HNRNPR: variants seen among roughly 807,000 people sequenced by gnomAD.
HNRNPR encodes heterogeneous nuclear ribonucleoprotein R.
HNRNPR carries 4 observed loss-of-function variants against 70.3 expected under a neutral mutation model. The ratio of observed to expected loss-of-function variants is 0.06; its 90% CI spans 0.03 to 0.13. HNRNPR has a LOEUF of 0.13. Among genes scored for constraint, HNRNPR ranks in the 10% least tolerant of loss-of-function variants. HNRNPR has a pLI of 1.00. For missense variants in HNRNPR, 423 were observed against 788.5 expected (o/e 0.54, Z 5.55); for synonymous variants, 241 against 267.6 (o/e 0.90, Z 0.97).
intron 8 of HNRNPR, among the ~76,000 whole-genome samples, chr1:23,315,694 T>C (rs1645514962): frequency 6.6e-6 from 1 of 152,210 alleles, no homozygotes; most frequent in Non-Finnish European, 1.5e-5. Context: ...ATATAACTTT[T>C]GAACTAAGAA....
Position 23,310,690 on chromosome 1 carries a change from G to A in HNRNPR, c.1666C>T (p.Arg556Cys), listed in dbSNP as rs748769352. ...TTGCCCCGAGATCCACGGGAACCAC[G>A]GCCTCTCTGCTGTTGAGCAGGACCC... ...RGGPAQQQRG[R>C]GSRGSRGNRG... Residue 556 changes from arginine (R) to cysteine (C), a missense_variant, in exon 11 of 11, where the codon CGT becomes TGT. By Grantham distance (180) the Arg-to-Cys change is radical. Around this residue, in one of 7 missense-constraint regions of HNRNPR, gnomAD observed 169 missense variants for 195.6 expected, o/e 0.86. Coordinates refer to ENST00000302271, the MANE Select transcript of HNRNPR (RefSeq NM_005826.5). The surrounding 1 kb of genome is among the most constrained non-coding windows in gnomAD (Gnocchi z 6.0). 17 of 1,613,334 alleles carry A rather than the reference G, an allele frequency of 1.1e-5. No homozygotes were observed. Among genetic ancestry groups the A allele is most frequent in the Non-Finnish European group, 1.4e-5 (16 of 1,179,686 alleles).
intron 5 of HNRNPR, 68 bp from the exon 6 acceptor site, chr1:23,323,800 C>CTT (rs1007209727): frequency 1.6e-5 from 18 of 1,127,864 alleles, no homozygotes; most frequent in Non-Finnish European, 2.1e-5. Context: ...AGCCTACTGC[C>CTT]TTTTTTTTTT....
intron 5 of HNRNPR, among the ~76,000 whole-genome samples, chr1:23,332,482 C>T (rs1646277822): frequency 6.6e-6 from 1 of 150,572 alleles, no homozygotes; most frequent in African/African-American, 2.4e-5. Context: ...GCAGGTGGAT[C>T]ACCTGAGGTC....
chr1:23,326,494 C>T (rs946149498), intron 5 of HNRNPR, among the ~76,000 whole-genome samples: 1 of 152,138 alleles, frequency 6.6e-6, no homozygotes, highest in Non-Finnish European at 1.5e-5. Flanking sequence ...AAATTCAAGT[C>T]TTTTTCCAGG....
intron 5 of HNRNPR, among the ~76,000 whole-genome samples, chr1:23,325,743 C>T (rs1006405743): frequency 6.6e-6 from 1 of 152,184 alleles, no homozygotes. Flanking sequence ...TCATATTTTG[C>T]TCAGTACCAT....
chr1:23,322,640 T>C (rs1023740566), intron 6 of HNRNPR, among the ~76,000 whole-genome samples: 3 of 152,160 alleles, frequency 2.0e-5, no homozygotes, highest in Admixed American at 6.5e-5. Context: ...GAAAACTTAA[T>C]ATTAAATAAA....
rs1212080556 is a variant in HNRNPR, at chr1:23,308,507, A to G, written c.*1947T>C. ...TTCAAAGTTTAAAAGCAGCATTTAA[A>G]GAATGTTTGGTGTCTTTACTTGCAT... On this transcript the variant is annotated 3_prime_UTR_variant, in exon 11 of 11. Transcript: ENST00000302271. The G allele has an allele frequency of 6.6e-6, 1 of 152,110 alleles. No homozygotes were observed. The highest frequency in any genetic ancestry group is 1.5e-5 in the Non-Finnish European group (1 of 67,934). 9.4% of individuals were successfully genotyped at this position (152,110 alleles called of 1,614,324 possible). A position where few individuals can be genotyped will look rare whatever the true frequency, so the allele number is the denominator to read the frequency against.
At chr1:23,334,323 G>A (rs971828833) in intron 4 of HNRNPR, among the ~76,000 whole-genome samples, 11 of 142,882 alleles carry the variant, frequency 7.7e-5, no homozygotes, top group South Asian at 2.3e-4. Flanking sequence ...TGCAAGCTCC[G>A]CCTCCCAGGT....
chr1:23,334,397 C>T (rs570268971), intron 4 of HNRNPR, among the ~76,000 whole-genome samples: 21 of 152,108 alleles, frequency 1.4e-4, no homozygotes, highest in African/African-American at 3.6e-4. Flanking sequence ...CCACAACGCC[C>T]GGCTAATTTT....
intron 3 of HNRNPR, chr1:23,338,268 GTT>G (rs1009117227): frequency 2.8e-6 from 1 of 353,098 alleles, no homozygotes; most frequent in Non-Finnish European, 5.0e-6. Flanking sequence ...TTAATTTTAA[GTT>G]TTTAAAATAA....
intron 5 of HNRNPR, among the ~76,000 whole-genome samples, chr1:23,330,820 T>C (rs1265757778): frequency 6.6e-6 from 1 of 152,214 alleles, no homozygotes; most frequent in Non-Finnish European, 1.5e-5. Flanking sequence ...TCTCAGGCAC[T>C]GACTCTAACT....
In HNRNPR at chr1:23,313,707, T is replaced by C. The variant is rs780046584; in HGVS notation, c.1018-5A>G. ...TCTCACAAACAAAACTTTTACCTAGTAAGCAACAAATAAACAAAACCGTCA... is the reference window on the plus strand; with the variant it reads ...TCTCACAAACAAAACTTTTACCTAGCAAGCAACAAATAAACAAAACCGTCA... On this transcript the variant is annotated splice_region_variant and splice_polypyrimidine_tract_variant and intron_variant, in intron 8 of 10. Coordinates refer to ENST00000302271, the MANE Select transcript of HNRNPR (RefSeq NM_005826.5). 1 of 1,599,178 alleles carries C rather than the reference T, an allele frequency of 6.3e-7. No homozygotes were observed. Among genetic ancestry groups the C allele is most frequent in the South Asian group, 1.1e-5 (1 of 87,262 alleles).
At chr1:23,337,998 T>G in intron 3 of HNRNPR, 137 bp from the exon 4 acceptor site, 1 of 637,188 alleles carries the variant, frequency 1.6e-6, no homozygotes, top group East Asian at 2.8e-5. Context: ...ATTTGCCGAG[T>G]GGTTACTATG....
At chr1:23,319,714 A>G (rs965268085) in intron 7 of HNRNPR, among the ~76,000 whole-genome samples, 1 of 152,204 alleles carries the variant, frequency 6.6e-6, no homozygotes, top group African/African-American at 2.4e-5. Context: ...AACTCCTTAC[A>G]TGGCCTACAG....
chr1:23,332,090 C>A (rs1399273844), intron 5 of HNRNPR, among the ~76,000 whole-genome samples: 1 of 151,998 alleles, frequency 6.6e-6, no homozygotes, highest in South Asian at 2.1e-4. Context: ...TGAGATCCCA[C>A]CACTGCACTC....
In HNRNPR at chr1:23,308,372, A is replaced by G. The variant is rs895150500; in HGVS notation, c.*2082T>C. Reference sequence around the variant, plus strand: ...CTTTGTAGCTTGTAACACCTAATTAAGAAATACAAACAACTCAAATTTTAT... The same window carrying G: ...CTTTGTAGCTTGTAACACCTAATTAGGAAATACAAACAACTCAAATTTTAT... On this transcript the variant is annotated 3_prime_UTR_variant, in exon 11 of 11. Transcript: ENST00000302271. 2 of 152,070 alleles carry G rather than the reference A, an allele frequency of 1.3e-5. No individual in the cohort carries two copies. Among genetic ancestry groups the G allele is most frequent in the African/African-American group, 4.8e-5 (2 of 41,452 alleles). 9.4% of individuals were successfully genotyped at this position (152,070 alleles called of 1,614,324 possible). A position where few individuals can be genotyped will look rare whatever the true frequency, so the allele number is the denominator to read the frequency against.
intron 5 of HNRNPR, among the ~76,000 whole-genome samples, chr1:23,333,014 T>G (rs899145533): frequency 7.9e-5 from 12 of 151,868 alleles, no homozygotes; most frequent in African/African-American, 2.9e-4. Flanking sequence ...TGAAACCCCG[T>G]CTCCACTAAA....
intron 10 of HNRNPR, 61 bp from the exon 11 acceptor site, chr1:23,311,127 T>C: frequency 6.2e-7 from 1 of 1,608,074 alleles, no homozygotes; most frequent in African/African-American, 1.3e-5. Flanking sequence ...GACTCTGATT[T>C]TGTTTTATTA....
chr1:23,336,960 A>G (rs1342951471), intron 4 of HNRNPR, among the ~76,000 whole-genome samples: 2 of 152,184 alleles, frequency 1.3e-5, no homozygotes, highest in Non-Finnish European at 2.9e-5. Context: ...TCCAGGCATT[A>G]TTCTAAGTGC....
Sources: allele counts gnomAD v4.1 joint callset (sites outside exome capture counted in the v4.1 genomes callset), GRCh38; gene constraint gnomAD v4.1.1; regional missense constraint gnomAD v4.1.1; non-coding constraint Gnocchi (gnomAD v3.1); transcripts MANE v1.5; gene names NCBI Gene and HGNC (gene_info 2026-07-23, HGNC 2026-07-21).